AIDA: variants seen among roughly 807,000 people sequenced by gnomAD.
AIDA encodes the protein axin interactor, dorsalization associated, also known as axin interactor, dorsalization-associated protein.
Under a neutral mutation model 42.7 loss-of-function variants are expected in AIDA, and 18 were observed. The observed-to-expected ratio is 0.42, with a 90% CI of 0.29 to 0.63. The LOEUF (loss-of-function observed/expected upper bound fraction) is 0.63, where lower values mean the gene tolerates loss of function less well. Ranked by LOEUF, AIDA falls within the 20% of genes least tolerant of loss-of-function variation. AIDA has a pLI of 0.19. For synonymous variants in AIDA, 104 were observed against 122.9 expected, an observed-to-expected ratio of 0.85 and a Z score of 1.02; for missense variants, 250 against 354.1, an observed-to-expected ratio of 0.71 and a Z score of 2.36.
intron 4 of AIDA, among the ~76,000 whole-genome samples, chr1:222,688,575 ACTT>A (rs1057218150): frequency 4.0e-5 from 6 of 151,874 alleles, no homozygotes; most frequent in African/African-American, 1.5e-4. Context: ...TTTAGAGTGT[ACTT>A]CTTCTACTTA....
In AIDA at chr1:222,693,848, A is replaced by C; in HGVS notation, c.235-5T>G. 6.2e-7 allele frequency: 1 copy of C among 1,604,826 alleles called. No homozygotes were observed. Among genetic ancestry groups the C allele is most frequent in the Non-Finnish European group, 8.5e-7 (1 of 1,173,160 alleles). On this transcript the variant is annotated splice_region_variant and splice_polypyrimidine_tract_variant and intron_variant, in intron 3 of 9. Coordinates refer to ENST00000340020, the MANE Select transcript of AIDA (RefSeq NM_022831.4). ...TTCTTCTTGAGACTGTGTGGACTAA[A>C]TTTAAAATAAGCATATTACATCTTT...
chr1:222,696,908 T>C (rs1655534676), intron 2 of AIDA, among the ~76,000 whole-genome samples: 1 of 152,174 alleles, frequency 6.6e-6, no homozygotes, highest in South Asian at 2.1e-4. Flanking sequence ...AATTTAAACA[T>C]TTCTTGAAGC....
chr1:222,686,938 C>A lies in AIDA; in HGVS notation c.452G>T (p.Arg151Ile), dbSNP rs1432300826. The change falls in exon 6 of 10, where the codon AGA becomes ATA. Residue 151 changes from arginine (R) to isoleucine (I), a missense_variant. Transcript: ENST00000340020. ...GAGSPDSFPARVPGTLLPRLP... is the reference protein window; with the variant it reads ...GAGSPDSFPAIVPGTLLPRLP... ...TAATAAGTGATACCTACCGGGAACT[C>A]TAGCAGGAAAAGAATCAGGAGACCC... 2.5e-6 allele frequency: 4 copies of A among 1,613,408 alleles called. No homozygotes were observed. Among genetic ancestry groups the A allele is most frequent in the Middle Eastern group, 1.7e-4 (1 of 6,054 alleles).
Position 222,689,481 on chromosome 1 carries a change from G to GTATATATA in AIDA, c.290-1831_290-1824dup, listed in dbSNP as rs1183093082. Among the ~76,000 whole-genome samples the GTATATATA allele has an allele frequency of 2.8e-3, 98 of 35,304 alleles. 1 individual carries two copies. Among genetic ancestry groups the GTATATATA allele is most frequent in the South Asian group, 5.1e-3 (3 of 592 alleles). The allele number at this position is 35,304 out of a possible 152,430, so 23.2% of individuals were successfully genotyped here. A position where few individuals can be genotyped will look rare whatever the true frequency, so the allele number is the denominator to read the frequency against. On this transcript the variant is annotated intron_variant, in intron 4 of 9. Coordinates refer to ENST00000340020, the MANE Select transcript of AIDA (RefSeq NM_022831.4). ...AAAGAAAATATGTATGTGTGTGTGT[G>GTATATATA]TATATATATATATATATATATATAT...
intron 6 of AIDA, among the ~76,000 whole-genome samples, chr1:222,679,298 T>G (rs1367680390): frequency 7.0e-6 from 1 of 142,416 alleles, no homozygotes; most frequent in Non-Finnish European, 1.6e-5. Flanking sequence ...CACATTCAAC[T>G]GTATAGAGTA....
chr1:222,691,802 G>GA (rs67887226), intron 4 of AIDA, among the ~76,000 whole-genome samples: 23 of 151,842 alleles, frequency 1.5e-4, no homozygotes, highest in South Asian at 6.2e-4. Context: ...TAAAATGGGG[G>GA]AAAAAATCAA....
Position 222,706,798 on chromosome 1 carries a change from T to G in AIDA, c.111-3581A>C, listed in dbSNP as rs1028682951. 2.8e-5 allele frequency among the ~76,000 whole-genome samples: 4 copies of G among 141,068 alleles called. No homozygotes were observed. In the East Asian group the frequency reaches 8.2e-4, roughly 29 times the overall value. The allele number at this position is 141,068 out of a possible 152,430, so 92.5% of individuals were successfully genotyped here. A position where few individuals can be genotyped will look rare whatever the true frequency, so the allele number is the denominator to read the frequency against. On this transcript the variant is annotated intron_variant, in intron 1 of 9. Transcript: ENST00000340020. ...GGCACGAAAATCATGGAGGTTGCAG[T>G]GAGCCTAGATCACCCCCCTGCACTC...
At chr1:222,687,828 C>A (rs1655242197) in intron 4 of AIDA, among the ~76,000 whole-genome samples, 170 bp from the exon 5 acceptor site, 1 of 152,052 alleles carries the variant, frequency 6.6e-6, no homozygotes. Context: ...GAAGTCTTAG[C>A]AAAATTAAAA....
intron 8 of AIDA, 123 bp downstream of exon 8, chr1:222,673,190 A>G: frequency 1.1e-6 from 1 of 879,698 alleles, no homozygotes; most frequent in Non-Finnish European, 1.6e-6. Context: ...ATTCAAATCA[A>G]TAAACACTAT....
chr1:222,703,568 C>T (rs1655766564), intron 1 of AIDA, among the ~76,000 whole-genome samples: 2 of 152,184 alleles, frequency 1.3e-5, no homozygotes, highest in South Asian at 2.1e-4. Context: ...TGCTTAAACA[C>T]TTCCAGGGAG....
chr1:222,691,435 T>C (rs1655368314), intron 4 of AIDA, among the ~76,000 whole-genome samples: 1 of 152,176 alleles, frequency 6.6e-6, no homozygotes, highest in Admixed American at 6.6e-5. Flanking sequence ...AACATTTCCT[T>C]CAGAGTCTGT....
intron 1 of AIDA, among the ~76,000 whole-genome samples, chr1:222,705,202 A>T (rs1420413086): frequency 6.6e-6 from 1 of 152,212 alleles, no homozygotes; most frequent in Non-Finnish European, 1.5e-5. Context: ...CCAAAGCTGG[A>T]AGCCTCATAA....
At chr1:222,702,376 CT>C (rs555727410) in intron 2 of AIDA, among the ~76,000 whole-genome samples, 10 of 151,348 alleles carry the variant, frequency 6.6e-5, no homozygotes, top group African/African-American at 7.3e-5. Context: ...TAGACTGACA[CT>C]TTTTTTTTCA....
In AIDA at chr1:222,687,765, A is replaced by ATATT. The variant is rs375432512; in HGVS notation, c.290-108_290-107insAATA. 1.3e-3 allele frequency: 1,119 copies of ATATT among 869,520 alleles called. 21 individuals carry two copies. The South Asian group carries it at 0.014, about 11-fold the overall frequency. 53.9% of individuals were successfully genotyped at this position (869,520 alleles called of 1,614,324 possible). A position where few individuals can be genotyped will look rare whatever the true frequency, so the allele number is the denominator to read the frequency against. The stretch of plus-strand genomic sequence containing the variant: ...AATTTTATTGTGCATATTAATATAT[A>ATATT]TAAATTCCCAGCCTTACCACCATTT... On this transcript the variant is annotated intron_variant, in intron 4 of 9. Coordinates refer to ENST00000340020, the MANE Select transcript of AIDA (RefSeq NM_022831.4).
intron 4 of AIDA, among the ~76,000 whole-genome samples, chr1:222,690,006 T>C (rs1655330089): frequency 6.6e-6 from 1 of 152,198 alleles, no homozygotes; most frequent in Non-Finnish European, 1.5e-5. Context: ...CATAAAAACT[T>C]ACCACTGTGT....
Position 222,687,051 on chromosome 1 carries a change from G to C in AIDA, c.354-15C>G. On this transcript the variant is annotated splice_polypyrimidine_tract_variant and intron_variant, in intron 5 of 9. Transcript: ENST00000340020. ...CCAAAATTCTTCTACACAAAAAAAGGGCAGAAAAAACAACAAACTGCAAAA... is the reference window on the plus strand; with the variant it reads ...CCAAAATTCTTCTACACAAAAAAAGCGCAGAAAAAACAACAAACTGCAAAA... 6.2e-7 allele frequency: 1 copy of C among 1,610,920 alleles called. No individual in the cohort carries two copies. Among genetic ancestry groups the C allele is most frequent in the Non-Finnish European group, 8.5e-7 (1 of 1,178,612 alleles).
At chr1:222,705,689 C>A (rs754704452) in intron 1 of AIDA, among the ~76,000 whole-genome samples, 2 of 152,118 alleles carry the variant, frequency 1.3e-5, no homozygotes, top group Non-Finnish European at 2.9e-5. Flanking sequence ...TCGAGACCAG[C>A]CTAGCCAACA....
rs1354450398 is a variant in AIDA, at chr1:222,668,807, T to C, written c.*1086A>G. ...TCAAATATCCACCTCATGTGTACTA[T>C]GAAAGTTTTATTTATGCCCCATTAA... is the stretch of plus-strand genomic sequence containing the variant. On this transcript the variant is annotated 3_prime_UTR_variant, in exon 10 of 10. Transcript: ENST00000340020. The C allele has an allele frequency of 2.0e-5, 3 of 147,106 alleles. No homozygotes were observed. The highest frequency in any genetic ancestry group is 7.6e-5 in the African/African-American group (3 of 39,574). The allele number at this position is 147,106 out of a possible 1,614,324, so 9.1% of individuals were successfully genotyped here.
intron 2 of AIDA, among the ~76,000 whole-genome samples, chr1:222,700,591 C>T (rs1448249967): frequency 6.7e-6 from 1 of 149,254 alleles, no homozygotes; most frequent in Non-Finnish European, 1.5e-5. Context: ...CCTGTCTCTA[C>T]TAAAAATACA....
Sources: gnomAD v4.1 joint callset for allele counts (sites outside exome capture counted in the v4.1 genomes callset) on GRCh38, gnomAD v4.1.1 for gene constraint, MANE v1.5 for transcripts, NCBI Gene and HGNC (gene_info 2026-07-23, HGNC 2026-07-21) for gene names.